EIF4G3: variants seen among roughly 807,000 people sequenced by gnomAD.
EIF4G3 encodes the protein eukaryotic translation initiation factor 4 gamma 3.
In EIF4G3, 34 loss-of-function variants were observed where a neutral mutation model predicts 186.4. The observed-to-expected ratio is 0.18, with a 90% CI of 0.14 to 0.24. The LOEUF is 0.24. Ranked by LOEUF, EIF4G3 falls within the 10% of genes least tolerant of loss-of-function variation. The probability of loss-of-function intolerance (pLI) is 1.00; values close to 1 mark genes in which losing one functional copy is unlikely to be tolerated. For missense variants in EIF4G3, 1,536 were observed against 1,948.5 expected (o/e 0.79, Z 3.99); for synonymous variants, 673 against 679.5 (o/e 0.99, Z 0.15).
intron 14 of EIF4G3, among the ~76,000 whole-genome samples, chr1:20,907,485 C>T (rs972479709): frequency 1.3e-5 from 2 of 151,734 alleles, no homozygotes; most frequent in African/African-American, 4.8e-5. Context: ...TGGTGTGCTG[C>T]ACCCATTAAC....
At chr1:21,135,456 G>A (rs1411374869) in intron 2 of EIF4G3, among the ~76,000 whole-genome samples, 2 of 152,214 alleles carry the variant, frequency 1.3e-5, no homozygotes, top group African/African-American at 4.8e-5. Flanking sequence ...AACCGAGATC[G>A]TGGCATTGCA....
chr1:20,863,578 G>A (rs1177755161), intron 22 of EIF4G3, among the ~76,000 whole-genome samples: 1 of 151,594 alleles, frequency 6.6e-6, no homozygotes, highest in Non-Finnish European at 1.5e-5. Flanking sequence ...CCAAGTAGCT[G>A]GGATTACAGG....
chr1:21,163,604 C>A (rs1472333874), intron 2 of EIF4G3, among the ~76,000 whole-genome samples: 1 of 152,182 alleles, frequency 6.6e-6, no homozygotes, highest in Non-Finnish European at 1.5e-5. Context: ...TGTTAAGCAA[C>A]TGAAGAGTTT....
In EIF4G3 at chr1:20,866,627, G is replaced by A. The variant is rs568080619; in HGVS notation, c.2623-1365C>T. 1.2e-4 allele frequency among the ~76,000 whole-genome samples: 19 copies of A among 152,204 alleles called. No individual in the cohort carries two copies. The East Asian group carries it at 2.3e-3, about 19-fold the overall frequency. ...TACATGAAAGCAAGAGTTTTCCAAA[G>A]CAAAAGCCAAAAGTTGATTCTACCT... is the stretch of plus-strand genomic sequence containing the variant. On this transcript the variant is annotated intron_variant, in intron 20 of 36. Coordinates refer to ENST00000602326, the MANE Select transcript of EIF4G3 (RefSeq NM_001391906.1).
intron 4 of EIF4G3, among the ~76,000 whole-genome samples, chr1:21,015,598 A>T (rs1414687062): frequency 6.6e-6 from 1 of 152,154 alleles, no homozygotes; most frequent in East Asian, 1.9e-4. Context: ...GTCTATACAA[A>T]AAACAAATTT....
rs1369525095 is a variant in EIF4G3 at position 20,807,434 on chromosome 1, T to G, written c.4811A>C (p.Lys1604Thr). The change falls in exon 37 of 37, where the codon AAA becomes ACA. Residue 1604 changes from lysine (K) to threonine (T), a missense_variant. By Grantham distance (78) the Lys-to-Thr change is moderately conservative. Coordinates refer to ENST00000602326, the MANE Select transcript of EIF4G3 (RefSeq NM_001391906.1). ...TGCAGGGTCCTTGCTGCTCTCCCAT[T>G]TGTAGAAGGCATCCTCGGAGATCAC... is the stretch of plus-strand genomic sequence containing the variant. ...EEVISEDAFY[K>T]WESSKDPAEQ... 6.2e-7 allele frequency: 1 copy of G among 1,612,236 alleles called. No homozygotes were observed. The highest frequency in any genetic ancestry group is 8.5e-7 in the Non-Finnish European group (1 of 1,178,652).
chr1:21,068,672 T>C (rs2095348150), intron 3 of EIF4G3, among the ~76,000 whole-genome samples: 2 of 152,100 alleles, frequency 1.3e-5, no homozygotes, highest in African/African-American at 4.8e-5. Context: ...CAACTAACAA[T>C]GGGGAATGTA....
chr1:21,025,092 A>C (rs1327365184), intron 4 of EIF4G3, among the ~76,000 whole-genome samples: 2 of 152,168 alleles, frequency 1.3e-5, no homozygotes, highest in African/African-American at 4.8e-5. Flanking sequence ...AAAACAAGGA[A>C]TATTTTAAAC....
intron 19 of EIF4G3, among the ~76,000 whole-genome samples, chr1:20,882,281 C>G (rs1296519082): frequency 1.3e-5 from 2 of 151,746 alleles, no homozygotes; most frequent in Non-Finnish European, 2.9e-5. Context: ...GAGGCCAAGG[C>G]AGGAGGACTG....
chr1:21,129,643 T>C (rs1440591813), intron 2 of EIF4G3, among the ~76,000 whole-genome samples: 1 of 152,100 alleles, frequency 6.6e-6, no homozygotes, highest in Non-Finnish European at 1.5e-5. Flanking sequence ...CAGAGGTCCC[T>C]GTAGAGAAAG....
intron 19 of EIF4G3, among the ~76,000 whole-genome samples, chr1:20,883,376 T>C (rs2083043844): frequency 6.6e-6 from 1 of 152,086 alleles, no homozygotes; most frequent in Non-Finnish European, 1.5e-5. Context: ...CCCCGCACTT[T>C]GGGAGGCCGA....
chr1:20,925,092 T>C (rs2094786465), intron 14 of EIF4G3, among the ~76,000 whole-genome samples: 1 of 152,232 alleles, frequency 6.6e-6, no homozygotes, highest in East Asian at 1.9e-4. Flanking sequence ...TACTGGTGTA[T>C]ATGCAAGCAC....
chr1:20,829,129 G>A lies in EIF4G3; in HGVS notation c.4187+18C>T. 1 of 1,612,386 alleles carries A rather than the reference G, an allele frequency of 6.2e-7. No homozygotes were observed. The highest frequency in any genetic ancestry group is 1.1e-5 in the South Asian group (1 of 90,676). On this transcript the variant is annotated intron_variant, in intron 31 of 36. Coordinates refer to ENST00000602326, the MANE Select transcript of EIF4G3 (RefSeq NM_001391906.1). ...CAGTTCTACCTGATATATATCAAGA[G>A]AAACAAGTATAACTTACATGGTAAG...
At chr1:21,089,383 T>C (rs1468981380) in intron 2 of EIF4G3, among the ~76,000 whole-genome samples, 170 bp from the exon 3 acceptor site, 1 of 152,190 alleles carries the variant, frequency 6.6e-6, no homozygotes, top group Non-Finnish European at 1.5e-5. Flanking sequence ...CTAAAATGAC[T>C]AAATCAATCT....
At chr1:21,060,174 T>A (rs1167313574) in intron 3 of EIF4G3, among the ~76,000 whole-genome samples, 6 of 149,804 alleles carry the variant, frequency 4.0e-5, no homozygotes, top group African/African-American at 1.5e-4. Context: ...TGGTCTTAAC[T>A]TCTAGGCTCA....
At chr1:20,824,972 G>C (rs950880038) in intron 33 of EIF4G3, 128 bp downstream of exon 33, 5 of 544,428 alleles carry the variant, frequency 9.2e-6, no homozygotes, top group African/African-American at 7.8e-5. Flanking sequence ...GAACTTAAAA[G>C]GACATCTTTA....
chr1:20,941,800 C>T lies in EIF4G3; in HGVS notation c.1354G>A (p.Glu452Lys). 6.2e-7 allele frequency: 1 copy of T among 1,613,490 alleles called. No homozygotes were observed. The highest frequency in any genetic ancestry group is 2.2e-5 in the East Asian group (1 of 44,886). The stretch of plus-strand genomic sequence containing the variant: ...GCTGGGATACACTCCAGTTTCATTT[C>T]TTCTGGGGGATTTTCGAGAATCTCC... ...ELEILENPPE[E>K]MKLECIPAPI... The change falls in exon 14 of 37, where the codon GAA (glutamate) becomes AAA (lysine). Residue 452 changes from glutamate to lysine, a missense_variant. Coordinates refer to ENST00000602326, the MANE Select transcript of EIF4G3 (RefSeq NM_001391906.1).
intron 19 of EIF4G3, among the ~76,000 whole-genome samples, chr1:20,884,512 C>T (rs1466542158): frequency 3.3e-5 from 5 of 152,186 alleles, no homozygotes; most frequent in African/African-American, 1.2e-4. Context: ...TTTTAACTAT[C>T]TTTATAAGCC....
At chr1:21,173,658 A>G (rs913645238) in intron 2 of EIF4G3, among the ~76,000 whole-genome samples, 7 of 152,144 alleles carry the variant, frequency 4.6e-5, no homozygotes, top group Non-Finnish European at 8.8e-5. Context: ...ACTGCACTCC[A>G]GCCTGGGCGA....
Sources: allele counts gnomAD v4.1 joint callset (sites outside exome capture counted in the v4.1 genomes callset), GRCh38; gene constraint gnomAD v4.1.1; transcripts MANE v1.5; gene names NCBI Gene and HGNC (gene_info 2026-07-23, HGNC 2026-07-21).